Variants in POTEE observed in about 807,000 individuals in gnomAD.
The protein encoded by POTEE is ANKRD26-like family C member 1A.
A neutral mutation model predicts 74.2 loss-of-function variants in POTEE; 21 were observed. The observed-to-expected ratio is 0.28, with a 90% confidence interval of 0.20 to 0.41. POTEE has a LOEUF of 0.41. Ranked by LOEUF, POTEE falls within the 10% of genes least tolerant of loss-of-function variation. The pLI, the probability that POTEE is intolerant of heterozygous loss-of-function variation, is 1.00. For synonymous variants in POTEE, 211 were observed against 432.8 expected (o/e 0.49, Z 6.36); for missense variants, 525 against 1,158.6 (o/e 0.45, Z 7.94).
intron 6 of POTEE, among the ~76,000 whole-genome samples, chr2:131,225,434 C>A (rs1195212119): frequency 6.7e-6 from 1 of 150,294 alleles, no homozygotes; most frequent in Non-Finnish European, 1.5e-5. Context: ...TGGATACACT[C>A]CTGCTTAAGA....
chr2:131,257,310 TA>T (rs1336562016), intron 16 of POTEE, among the ~76,000 whole-genome samples: 1 of 11,452 alleles, frequency 8.7e-5, no homozygotes, highest in East Asian at 1.1e-3. Flanking sequence ...AAATAGGTAT[TA>T]AATGAATGAA....
chr2:131,213,861 A>G (rs1235477960), intron 2 of POTEE, among the ~76,000 whole-genome samples: 2 of 152,028 alleles, frequency 1.3e-5, no homozygotes, highest in Non-Finnish European at 2.9e-5. Flanking sequence ...ATGAGCTACC[A>G]TACAGGTGCA....
chr2:131,217,687 C>T lies in POTEE; in HGVS notation c.-94+4C>T, dbSNP rs1051963083. ...CGTGGCGCCAAGACTTAAGCAGGCG[C>T]GTTGCATGCATCGGCCAGTGTCTGT... On this transcript the variant is annotated splice_donor_region_variant and intron_variant, in intron 3 of 17. Transcript: ENST00000683005. 6.7e-6 allele frequency among the ~76,000 whole-genome samples: 1 copy of T among 150,356 alleles called. No individual in the cohort carries two copies. The highest frequency in any genetic ancestry group is 2.0e-4 in the East Asian group (1 of 5,010).
At chr2:131,219,723 C>T (rs912594936) in intron 4 of POTEE, among the ~76,000 whole-genome samples, 12 of 150,318 alleles carry the variant, frequency 8.0e-5, no homozygotes, top group South Asian at 2.1e-4. Context: ...GGCGACAGAG[C>T]GAGACTCCCT....
At chr2:131,211,510 T>G (rs1201577205) in intron 2 of POTEE, among the ~76,000 whole-genome samples, 1 of 58,932 alleles carries the variant, frequency 1.7e-5, no homozygotes, top group Non-Finnish European at 4.0e-5. Flanking sequence ...TAACAAAATT[T>G]AGGGGGTGAC....
At chr2:131,227,284 CTG>C (rs1700812453) in intron 7 of POTEE, among the ~76,000 whole-genome samples, 1 of 149,374 alleles carries the variant, frequency 6.7e-6, no homozygotes. Flanking sequence ...AGTTTTTAAC[CTG>C]TGTCTTACAT....
intron 8 of POTEE, among the ~76,000 whole-genome samples, chr2:131,228,800 C>T (rs2579496): frequency 1.4e-5 from 2 of 146,134 alleles, no homozygotes; most frequent in Admixed American, 6.6e-5. Flanking sequence ...CGAAGGAGTT[C>T]ACTAAATCCA....
intron 4 of POTEE, among the ~76,000 whole-genome samples, chr2:131,220,052 G>A (rs1439191170): frequency 1.3e-5 from 2 of 151,308 alleles, no homozygotes; most frequent in Middle Eastern, 3.4e-3. Flanking sequence ...ATTTGAAAAA[G>A]ATGGATTGTT....
Position 131,263,981 on chromosome 2 carries a change from G to A in POTEE, c.2526G>A (p.Leu842=), listed in dbSNP as rs758161839. The A allele has an allele frequency of 8.7e-6, 14 of 1,614,086 alleles. No individual in the cohort carries two copies. In the African/African-American group the frequency reaches 1.3e-4, roughly 15 times the overall value. The change falls in exon 18 of 18, where the codon CTG becomes CTA. Residue 842 remains leucine, a synonymous_variant. Transcript: ENST00000683005. ...MYVAIQAVPS[L]YTSGRTTGIV... is the part of the protein sequence containing the mutation. ...TGGCCATCCAGGCCGTGCCGTCCCT[G>A]TACACCTCTGGCCGTACTACTGGCA...
At chr2:131,229,837 A>G (rs1700894442) in intron 8 of POTEE, 1 of 152,192 alleles carries the variant, frequency 6.6e-6, no homozygotes. Context: ...ATAGTCATGT[A>G]AGATGGTCTA....
At chr2:131,211,544 T>TTC (rs1700358796) in intron 2 of POTEE, among the ~76,000 whole-genome samples, 1 of 10,684 alleles carries the variant, frequency 9.4e-5, no homozygotes, top group Non-Finnish European at 2.8e-4. Flanking sequence ...GTGTGTGGCT[T>TTC]TTTTTTTTTT....
chr2:131,221,622 C>T (rs532649601), intron 4 of POTEE, among the ~76,000 whole-genome samples: 1 of 152,188 alleles, frequency 6.6e-6, no homozygotes, highest in Non-Finnish European at 1.5e-5. Flanking sequence ...GGTTGGCTAT[C>T]TTCTGTGAAC....
In POTEE at chr2:131,218,896, A is replaced by G; in HGVS notation, c.494A>G (p.Asp165Gly). The stretch of plus-strand genomic sequence containing the variant: ...CTCATCGTCATGCTCAGGGACACTG[A>G]CGTGAACAAGAAGGACAAGCAAAAG... ...KDLIVMLRDTDVNKKDKQKRT... is the reference protein window; with the variant it reads ...KDLIVMLRDTGVNKKDKQKRT... The change falls in exon 4 of 18, where the codon GAC becomes GGC. Residue 165 changes from aspartate (D) to glycine (G), a missense_variant. Transcript: ENST00000683005. 6.2e-7 allele frequency: 1 copy of G among 1,613,284 alleles called. No homozygotes were observed. The highest frequency in any genetic ancestry group is 1.1e-5 in the South Asian group (1 of 91,030).
At chr2:131,210,149 G>A (rs58411790) in intron 1 of POTEE, among the ~76,000 whole-genome samples, 87,811 of 128,970 alleles carry the variant, frequency 0.68, 32,295 homozygotes, top group Non-Finnish European at 0.82. Context: ...TGCTGGCAGC[G>A]GGGGGTGGTT....
chr2:131,224,172 T>C (rs1700713772), intron 6 of POTEE, 129 bp downstream of exon 6: 3 of 1,332,382 alleles, frequency 2.3e-6, no homozygotes, highest in Admixed American at 2.6e-5. Flanking sequence ...TGAAATGACC[T>C]AATTATCTAA....
rs762015218 is a variant in POTEE at position 131,209,799 on chromosome 2, GGT to G, written c.-364_-363del. On this transcript the variant is annotated 5_prime_UTR_variant, in exon 1 of 18. The change creates a premature stop within an existing upstream ORF in the 5' untranslated region. Transcript: ENST00000683005. The stretch of plus-strand genomic sequence containing the variant: ...TGGGACACTGCAGCTCGGCCAGAGT[GGT>G]AGAAATGTCCTGGTGTAGGTGAGTT... Among the ~76,000 whole-genome samples the G allele has an allele frequency of 1.2e-3, 187 of 152,024 alleles. No individual in the cohort carries two copies. Among genetic ancestry groups the G allele is most frequent in the Non-Finnish European group, 1.2e-3 (84 of 67,894 alleles).
chr2:131,263,331 T>A, intron 17 of POTEE, 24 bp from the exon 18 acceptor site: 2 of 1,605,026 alleles, frequency 1.2e-6, no homozygotes. Flanking sequence ...GAGTGCTAAC[T>A]AAAAGTTCTC....
rs1474560308 is a variant in POTEE, at chr2:131,220,203, T to G, written c.521+1280T>G. ...GCCTATTTATATATGCAGATATATA[T>G]TTATATATATACTTTTTTTTGGATG... On this transcript the variant is annotated intron_variant, in intron 4 of 17. Transcript: ENST00000683005. 2.0e-5 allele frequency among the ~76,000 whole-genome samples: 3 copies of G among 150,852 alleles called. No individual in the cohort carries two copies. In the East Asian group the frequency reaches 5.8e-4, roughly 29 times the overall value.
chr2:131,226,709 T>A, intron 6 of POTEE, 114 bp from the exon 7 acceptor site: 2 of 1,525,744 alleles, frequency 1.3e-6, no homozygotes, highest in Non-Finnish European at 1.8e-6. Context: ...CGAGTACATT[T>A]TATTTACTTT....
Sources: gnomAD v4.1 joint callset for allele counts (sites outside exome capture counted in the v4.1 genomes callset) on GRCh38, gnomAD v4.1.1 for gene constraint, MANE v1.5 for transcripts, NCBI Gene and HGNC (gene_info 2026-07-23, HGNC 2026-07-21) for gene names.